Variants in SPAG17 observed in about 807,000 individuals in gnomAD.
SPAG17 encodes the protein sperm-associated antigen 17.
A neutral mutation model predicts 273.6 loss-of-function variants in SPAG17; 169 were observed. The ratio of observed to expected loss-of-function variants is 0.62; its 90% CI spans 0.55 to 0.70. The LOEUF (loss-of-function observed/expected upper bound fraction) is 0.70, where lower values mean the gene tolerates loss of function less well. Among genes scored for constraint, SPAG17 ranks in the 30% least tolerant of loss-of-function variants. SPAG17 has a pLI of 0.00. For missense variants in SPAG17, 2,557 were observed against 2,627.8 expected (o/e 0.97, Z 0.59); for synonymous variants, 825 against 873.2 (o/e 0.94, Z 0.97).
At position 117,953,800 on chromosome 1, in the gene SPAG17, C is replaced by A; in HGVS notation, c.*250G>T. On this transcript the variant is annotated 3_prime_UTR_variant, in exon 49 of 49. Coordinates refer to ENST00000336338, the MANE Select transcript of SPAG17 (RefSeq NM_206996.4). Reference sequence around the variant, plus strand: ...TGTCTAGATATCATCCCACCTGAGTCCATGACACTCAGTCTCTTCCCTGTA... The same window carrying A: ...TGTCTAGATATCATCCCACCTGAGTACATGACACTCAGTCTCTTCCCTGTA... The A allele has an allele frequency of 1.7e-6, 1 of 602,648 alleles. No individual in the cohort carries two copies. Among genetic ancestry groups the A allele is most frequent in the Non-Finnish European group, 2.9e-6 (1 of 345,532 alleles). 37.3% of individuals were successfully genotyped at this position (602,648 alleles called of 1,614,324 possible). A position where few individuals can be genotyped will look rare whatever the true frequency, so the allele number is the denominator to read the frequency against.
At chr1:118,029,759 C>G (rs1197645547) in intron 25 of SPAG17, among the ~76,000 whole-genome samples, 2 of 152,068 alleles carry the variant, frequency 1.3e-5, no homozygotes, top group Non-Finnish European at 2.9e-5. Flanking sequence ...TTGTTAACCA[C>G]CAAAATCACT....
chr1:118,036,914 T>C, intron 23 of SPAG17, 31 bp from the exon 24 acceptor site: 1 of 1,429,132 alleles, frequency 7.0e-7, no homozygotes. Context: ...AAGAACATTT[T>C]CATTTAATTC....
intron 24 of SPAG17, among the ~76,000 whole-genome samples, chr1:118,034,474 T>C (rs1648837059): frequency 6.6e-6 from 1 of 152,234 alleles, no homozygotes; most frequent in African/African-American, 2.4e-5. Context: ...ATTTTTTGCA[T>C]AGGCAATTCT....
chr1:117,991,594 GTCA>G lies in SPAG17; in HGVS notation c.5362-69_5362-67del, dbSNP rs534544439. 6.3e-4 allele frequency: 608 copies of G among 970,228 alleles called. 2 individuals carry two copies. The African/African-American group carries it at 8.2e-3, about 13-fold the overall frequency. The allele number at this position is 970,228 out of a possible 1,614,324, so 60.1% of individuals were successfully genotyped here. The stretch of plus-strand genomic sequence containing the variant: ...TTAGGAAGAGAGAGATACAAAAATG[GTCA>G]TCAACTTGAAATATTACAAAAAATG... On this transcript the variant is annotated intron_variant, in intron 36 of 48. Transcript: ENST00000336338.
intron 3 of SPAG17, among the ~76,000 whole-genome samples, chr1:118,148,725 T>TA (rs1281548317): frequency 6.6e-6 from 1 of 152,154 alleles, no homozygotes; most frequent in Non-Finnish European, 1.5e-5. Flanking sequence ...TAAACAGAAA[T>TA]AGATTCATGA....
chr1:118,136,930 G>T (rs1005559604), intron 3 of SPAG17, among the ~76,000 whole-genome samples: 3 of 152,058 alleles, frequency 2.0e-5, no homozygotes, highest in Admixed American at 6.6e-5. Context: ...AAGTTGGCAG[G>T]AAGAAGAATT....
chr1:118,174,688 AAGAC>A lies in SPAG17; in HGVS notation c.87+10379_87+10382del, dbSNP rs558257886. On this transcript the variant is annotated intron_variant, in intron 1 of 48. Coordinates refer to ENST00000336338, the MANE Select transcript of SPAG17 (RefSeq NM_206996.4). Reference sequence around the variant, plus strand: ...CACATAATCAAATTATCAAAAGCTAAAGACAGACAGAATTTTGAAGGCAGCAAGG... The same window carrying A: ...CACATAATCAAATTATCAAAAGCTAAAGACAGAATTTTGAAGGCAGCAAGG... 6.9e-4 allele frequency among the ~76,000 whole-genome samples: 105 copies of A among 152,326 alleles called. 1 individual carries two copies. The highest frequency in any genetic ancestry group is 6.8e-3 in the Middle Eastern group (2 of 294).
At chr1:118,140,217 A>AG (rs1187489338) in intron 3 of SPAG17, among the ~76,000 whole-genome samples, 1 of 152,206 alleles carries the variant, frequency 6.6e-6, no homozygotes, top group African/African-American at 2.4e-5. Flanking sequence ...ATACAGACTA[A>AG]GACAATAGTC....
At chr1:118,112,639 C>G (rs1656845423) in intron 4 of SPAG17, among the ~76,000 whole-genome samples, 1 of 151,986 alleles carries the variant, frequency 6.6e-6, no homozygotes, top group African/African-American at 2.4e-5. Context: ...TGGAGTTCAT[C>G]AACAAGGTAT....
At position 117,992,640 on chromosome 1, in the gene SPAG17, A is replaced by G. The variant is rs1657233547; in HGVS notation, c.5187T>C (p.Thr1729=). Reference sequence around the variant, plus strand: ...TCTGAGTACCAAACGGAGGTCCTGGAGTTTTTTTCTGTTAACAAAACAAAG... The same window carrying G: ...TCTGAGTACCAAACGGAGGTCCTGGGGTTTTTTTCTGTTAACAAAACAAAG... The part of the protein sequence containing the change: ...WETFPSVEKK[T]PGPPFGTQIW... The change falls in exon 36 of 49, where the codon ACT becomes ACC. Residue 1729 remains threonine (T), a synonymous_variant. Coordinates refer to ENST00000336338, the MANE Select transcript of SPAG17 (RefSeq NM_206996.4). 1 of 1,587,836 alleles carries G rather than the reference A, an allele frequency of 6.3e-7. No individual in the cohort carries two copies.
chr1:118,081,748 G>T, intron 13 of SPAG17, 106 bp from the exon 14 acceptor site: 1 of 900,130 alleles, frequency 1.1e-6, no homozygotes, highest in Non-Finnish European at 1.7e-6. Flanking sequence ...AGACAAGAGA[G>T]TCACGCCACA....
intron 18 of SPAG17, among the ~76,000 whole-genome samples, chr1:118,062,175 G>A (rs1041739713): frequency 6.6e-6 from 1 of 151,748 alleles, no homozygotes; most frequent in Non-Finnish European, 1.5e-5. Context: ...AGACCATCCC[G>A]GCTAAAAACG....
At chr1:118,049,954 A>G (rs964658292) in intron 20 of SPAG17, among the ~76,000 whole-genome samples, 5 of 152,226 alleles carry the variant, frequency 3.3e-5, no homozygotes, top group Non-Finnish European at 5.9e-5. Flanking sequence ...GGTGATCAGC[A>G]GCTTCCCAGC....
chr1:117,995,643 T>C (rs181726039), intron 34 of SPAG17, among the ~76,000 whole-genome samples: 59 of 151,662 alleles, frequency 3.9e-4, no homozygotes, highest in Admixed American at 1.8e-3. Context: ...AATGCAGGCA[T>C]ATTTATAAAT....
rs1234656591 is a variant in SPAG17, at chr1:117,992,536, T to G, written c.5291A>C (p.Gln1764Pro). ...CTCATGCTGAATGAATTGGCGCATCTGTAGCACACTGGGGCTCTTGAGTAT... is the reference window on the plus strand; with the variant it reads ...CTCATGCTGAATGAATTGGCGCATCGGTAGCACACTGGGGCTCTTGAGTAT... The part of the protein sequence containing the change: ...GAILKSPSVL[Q>P]MRQFIQHEVI... Residue 1764 changes from glutamine (Q) to proline (P), a missense_variant, in exon 36 of 49, where the codon CAG becomes CCG. Coordinates refer to ENST00000336338, the MANE Select transcript of SPAG17 (RefSeq NM_206996.4). The G allele has an allele frequency of 2.5e-6, 4 of 1,613,736 alleles. No homozygotes were observed. Among genetic ancestry groups the G allele is most frequent in the Non-Finnish European group, 2.5e-6 (3 of 1,179,880 alleles).
intron 24 of SPAG17, among the ~76,000 whole-genome samples, chr1:118,033,404 C>G (rs949557789): frequency 6.6e-6 from 1 of 152,140 alleles, no homozygotes; most frequent in East Asian, 1.9e-4. Context: ...TTTTTTGACT[C>G]ATCCTACACA....
chr1:117,992,384 A>T, intron 36 of SPAG17, 82 bp downstream of exon 36: 1 of 1,334,894 alleles, frequency 7.5e-7, no homozygotes, highest in Non-Finnish European at 1.0e-6. Flanking sequence ...AGAATTACAT[A>T]ATTTCAGGTT....
At chr1:118,013,059 C>T (rs1436191625) in intron 29 of SPAG17, among the ~76,000 whole-genome samples, 1 of 152,210 alleles carries the variant, frequency 6.6e-6, no homozygotes, top group East Asian at 1.9e-4. Flanking sequence ...TTACTGCTTT[C>T]TCCCTCCTCC....
At chr1:118,147,935 A>G (rs748154249) in intron 3 of SPAG17, among the ~76,000 whole-genome samples, 2 of 152,218 alleles carry the variant, frequency 1.3e-5, no homozygotes, top group East Asian at 1.9e-4. Flanking sequence ...CAGAAAGCCT[A>G]ATTGATTAAA....
Sources: allele counts gnomAD v4.1 joint callset (sites outside exome capture counted in the v4.1 genomes callset), GRCh38; gene constraint gnomAD v4.1.1; transcripts MANE v1.5; gene names NCBI Gene and HGNC (gene_info 2026-07-23, HGNC 2026-07-21).